GAREM1: variants seen among roughly 807,000 people sequenced by gnomAD.
GAREM1 encodes GRB2 associated regulator of MAPK1 subtype 1, also known as GRB2-associated and regulator of MAPK protein 1.
In GAREM1, 26 loss-of-function variants were observed where a neutral mutation model predicts 71.3. The observed-to-expected ratio is 0.36, with a 90% CI of 0.27 to 0.51. GAREM1 has a LOEUF of 0.51. GAREM1 is among the 20% of genes least tolerant of loss of function. GAREM1 has a pLI of 0.95. For synonymous variants in GAREM1, 440 were observed against 433.2 expected (o/e 1.02, Z -0.20); for missense variants, 1,026 against 1,103.1 (o/e 0.93, Z 0.99).
At chr18:32,361,841 T>C (rs558757914) in intron 2 of GAREM1, among the ~76,000 whole-genome samples, 68 of 152,342 alleles carry the variant, frequency 4.5e-4, no homozygotes, top group African/African-American at 1.5e-3. Flanking sequence ...CTCCTTTGAA[T>C]CCATTCATTC....
intron 2 of GAREM1, among the ~76,000 whole-genome samples, chr18:32,390,927 C>A (rs1160627636): frequency 2.0e-5 from 3 of 152,154 alleles, no homozygotes; most frequent in African/African-American, 7.2e-5. Flanking sequence ...CAATGTATAA[C>A]CAAGTTTGAG....
chr18:32,405,284 C>T (rs866775232), intron 1 of GAREM1, among the ~76,000 whole-genome samples: 4 of 152,054 alleles, frequency 2.6e-5, no homozygotes, highest in South Asian at 2.1e-4. Flanking sequence ...TTGCAACCTC[C>T]GCCTCCCGGG....
At chr18:32,455,464 T>C (rs1010278142) in intron 1 of GAREM1, among the ~76,000 whole-genome samples, 10 of 152,186 alleles carry the variant, frequency 6.6e-5, no homozygotes, top group Middle Eastern at 3.4e-3. Flanking sequence ...TCAAGCTGAG[T>C]GCAACTTGCA....
At chr18:32,449,492 T>C (rs2048813696) in intron 1 of GAREM1, among the ~76,000 whole-genome samples, 1 of 152,204 alleles carries the variant, frequency 6.6e-6, no homozygotes, top group Non-Finnish European at 1.5e-5. Flanking sequence ...TTAGACAACA[T>C]GGCGAAACCC....
chr18:32,282,846 A>G (rs1480033118), intron 4 of GAREM1, among the ~76,000 whole-genome samples: 3 of 152,226 alleles, frequency 2.0e-5, no homozygotes, highest in African/African-American at 7.2e-5. Flanking sequence ...TTTTCTAAAG[A>G]GGGGGAAAAG....
At chr18:32,340,684 TAGC>T (rs1419748333) in intron 2 of GAREM1, among the ~76,000 whole-genome samples, 1 of 152,178 alleles carries the variant, frequency 6.6e-6, no homozygotes, top group East Asian at 1.9e-4. Context: ...AAAGAAGTAA[TAGC>T]AGCATACCAT....
chr18:32,333,266 C>T (rs1007620690), intron 2 of GAREM1, among the ~76,000 whole-genome samples: 6 of 151,772 alleles, frequency 4.0e-5, no homozygotes, highest in African/African-American at 1.2e-4. Context: ...GGGGAACAGG[C>T]ACTGAATCTT....
At chr18:32,422,910 C>T (rs1192054752) in intron 1 of GAREM1, among the ~76,000 whole-genome samples, 2 of 152,186 alleles carry the variant, frequency 1.3e-5, no homozygotes, top group Non-Finnish European at 2.9e-5. Flanking sequence ...GGTTCCTGAT[C>T]AGTCAGTGGC....
chr18:32,430,990 G>T (rs2048619083), intron 1 of GAREM1, among the ~76,000 whole-genome samples: 2 of 152,124 alleles, frequency 1.3e-5, no homozygotes, highest in Non-Finnish European at 2.9e-5. Context: ...TCAACAGAGT[G>T]ATCCTATAAA....
intron 2 of GAREM1, among the ~76,000 whole-genome samples, chr18:32,387,130 A>G (rs1040444412): frequency 2.5e-4 from 38 of 151,964 alleles, no homozygotes; most frequent in African/African-American, 7.0e-4. Flanking sequence ...TAGGTAACCA[A>G]CTGGGGATCT....
chr18:32,392,400 A>G (rs985433212), intron 2 of GAREM1, among the ~76,000 whole-genome samples: 1 of 152,208 alleles, frequency 6.6e-6, no homozygotes, highest in African/African-American at 2.4e-5. Flanking sequence ...TAAAGTAGTG[A>G]GGGCATCTCA....
chr18:32,322,183 T>C (rs1475581241), intron 2 of GAREM1, among the ~76,000 whole-genome samples: 1 of 152,238 alleles, frequency 6.6e-6, no homozygotes, highest in African/African-American at 2.4e-5. Context: ...GCTGAGGCTA[T>C]TTAGCCACTG....
intron 2 of GAREM1, among the ~76,000 whole-genome samples, chr18:32,354,365 T>A (rs1262714649): frequency 6.6e-6 from 1 of 152,180 alleles, no homozygotes; most frequent in African/African-American, 2.4e-5. Flanking sequence ...GTCTGGCACA[T>A]AGGTCAATAA....
intron 2 of GAREM1, among the ~76,000 whole-genome samples, chr18:32,375,346 G>A (rs893707010): frequency 2.6e-5 from 4 of 152,126 alleles, no homozygotes; most frequent in Admixed American, 2.0e-4. Flanking sequence ...ATATTGGTGA[G>A]GCTGTAAAAC....
intron 1 of GAREM1, among the ~76,000 whole-genome samples, chr18:32,435,462 A>C (rs1458398153): frequency 2.0e-5 from 3 of 152,192 alleles, no homozygotes; most frequent in Non-Finnish European, 4.4e-5. Context: ...CTGAAAAAAC[A>C]AAAGTTTTAA....
chr18:32,376,698 C>A (rs568287880), intron 2 of GAREM1, among the ~76,000 whole-genome samples: 3 of 152,072 alleles, frequency 2.0e-5, no homozygotes, highest in Non-Finnish European at 2.9e-5. Context: ...ATTAGCCAGG[C>A]GTGGTGGCAC....
chr18:32,391,773 T>C (rs2048202319), intron 2 of GAREM1, among the ~76,000 whole-genome samples: 1 of 152,188 alleles, frequency 6.6e-6, no homozygotes, highest in South Asian at 2.1e-4. Flanking sequence ...AAGGCTACTC[T>C]TAGGGCTAGG....
rs191812202 is a variant in GAREM1, at chr18:32,315,544, T to C, written c.263-5221A>G. Among the ~76,000 whole-genome samples, 216 of 148,556 alleles carry C rather than the reference T, an allele frequency of 1.5e-3. 7 individuals carry two copies. The highest frequency in any genetic ancestry group is 0.012 in the Admixed American group (180 of 14,832). The stretch of plus-strand genomic sequence containing the variant: ...AAATATATATAAAAGTAGATATATA[T>C]ATATATACTTTTGCATTAAGTCTTT... On this transcript the variant is annotated intron_variant, in intron 2 of 5. Coordinates refer to ENST00000269209, the MANE Select transcript of GAREM1 (RefSeq NM_001242409.2).
At chr18:32,353,121 A>G (rs1043056753) in intron 2 of GAREM1, among the ~76,000 whole-genome samples, 6 of 152,228 alleles carry the variant, frequency 3.9e-5, no homozygotes, top group Admixed American at 1.3e-4. Context: ...ATGAGAACCT[A>G]TATCTTTTAT....
Sources: gnomAD v4.1 joint callset for allele counts (sites outside exome capture counted in the v4.1 genomes callset) on GRCh38, gnomAD v4.1.1 for gene constraint, MANE v1.5 for transcripts, NCBI Gene and HGNC (gene_info 2026-07-23, HGNC 2026-07-21) for gene names.